EFL1: variants seen among roughly 807,000 people sequenced by gnomAD.
EFL1 encodes the protein elongation factor-like GTPase 1.
Under a neutral mutation model 126.7 loss-of-function variants are expected in EFL1, and 76 were observed. The observed-to-expected ratio is 0.60, with a 90% confidence interval of 0.50 to 0.73. The LOEUF is 0.73. Among genes scored for constraint, EFL1 ranks in the 30% least tolerant of loss-of-function variants. EFL1 has a pLI of 0.00. For missense variants in EFL1, 1,128 were observed against 1,343.2 expected (o/e 0.84, Z 2.50); for synonymous variants, 410 against 448.4 (o/e 0.91, Z 1.08).
intron 15 of EFL1, among the ~76,000 whole-genome samples, chr15:82,209,316 G>GACACAGACACACAC (rs377447819): frequency 2.0e-5 from 3 of 146,342 alleles, no homozygotes; most frequent in Admixed American, 6.9e-5. Context: ...CACAGACACA[G>GACACAGACACACAC]ACACACACAC....
At chr15:82,227,358 A>G in intron 11 of EFL1, 92 bp downstream of exon 11, 1 of 1,585,692 alleles carries the variant, frequency 6.3e-7, no homozygotes, top group South Asian at 1.1e-5. Flanking sequence ...TTGGCCATTT[A>G]GCAAACTAGC....
rs2075121666 is a variant in EFL1 at position 82,261,702 on chromosome 15, G to A, written c.77C>T (p.Ala26Val). Residue 26 changes from alanine to valine, a missense_variant, in exon 2 of 20, where the codon GCT (alanine) becomes GTT (valine). Around this residue, in one of 6 missense-constraint regions of EFL1, gnomAD observed 118 missense variants for 188.1 expected, o/e 0.63. Transcript: ENST00000268206. ...AGTATTCTTACCATGGTCAACATGA[G>A]CCAAAACACAAATATTCCTGATGTT... ...TANIRNICVL[A>V]HVDHGKTTLA... The A allele has an allele frequency of 6.2e-7, 1 of 1,613,792 alleles. No homozygotes were observed. The highest frequency in any genetic ancestry group is 1.7e-5 in the Admixed American group (1 of 59,956).
At chr15:82,255,403 T>A (rs755987213) in intron 3 of EFL1, among the ~76,000 whole-genome samples, 1 of 152,230 alleles carries the variant, frequency 6.6e-6, no homozygotes, top group Non-Finnish European at 1.5e-5. Context: ...CTCTGAATAT[T>A]AGTCCTTTGT....
In EFL1 at chr15:82,157,817, C is replaced by G. The variant is rs2073983699; in HGVS notation, c.1926G>C (p.Gln642His). 6.2e-7 allele frequency: 1 copy of G among 1,613,906 alleles called. No individual in the cohort carries two copies. The highest frequency in any genetic ancestry group is 1.3e-5 in the African/African-American group (1 of 74,924). ...QLVKGMKLLNQADPCVQILIQ... is the reference protein window; with the variant it reads ...QLVKGMKLLNHADPCVQILIQ... The stretch of plus-strand genomic sequence containing the variant: ...TTAAAATCTGGACACAGGGATCAGC[C>G]TGGTTTAACAGTTTCATTCCTTTTA... Residue 642 changes from glutamine (Q) to histidine (H), a missense_variant, in exon 17 of 20, where the codon CAG becomes CAC. Physicochemically the swap from Gln to His is conservative, Grantham distance 24. This residue lies in a region of EFL1 where 561 missense variants were observed against 641.7 expected (regional missense o/e 0.87). Transcript: ENST00000268206.
At chr15:82,235,846 G>C (rs1287667811) in intron 7 of EFL1, among the ~76,000 whole-genome samples, 1 of 152,092 alleles carries the variant, frequency 6.6e-6, no homozygotes, top group East Asian at 1.9e-4. Flanking sequence ...ATTCTAGCCA[G>C]TGCAATCAGC....
chr15:82,200,240 C>T (rs2074452984), intron 15 of EFL1, among the ~76,000 whole-genome samples: 2 of 152,112 alleles, frequency 1.3e-5, no homozygotes, highest in South Asian at 2.1e-4. Flanking sequence ...CAAAGAAAAA[C>T]ACAAGGAAGA....
intron 15 of EFL1, among the ~76,000 whole-genome samples, chr15:82,208,044 A>G (rs900463529): frequency 3.3e-5 from 5 of 152,224 alleles, no homozygotes; most frequent in South Asian, 2.1e-4. Flanking sequence ...CAAACGGACC[A>G]GTATGATGGT....
At chr15:82,203,315 A>AT (rs961778556) in intron 15 of EFL1, among the ~76,000 whole-genome samples, 1 of 152,082 alleles carries the variant, frequency 6.6e-6, no homozygotes, top group East Asian at 1.9e-4. Context: ...GCATTTATTT[A>AT]TTTTTTATTG....
chr15:82,238,210 G>A (rs775027189), intron 7 of EFL1, 97 bp downstream of exon 7: 68 of 1,316,646 alleles, frequency 5.2e-5, no homozygotes, highest in Non-Finnish European at 6.5e-5. Flanking sequence ...ACAACTATAG[G>A]TGAATCTATA....
intron 15 of EFL1, among the ~76,000 whole-genome samples, chr15:82,164,669 C>T (rs371183641): frequency 9.3e-5 from 14 of 150,472 alleles, no homozygotes; most frequent in East Asian, 4.1e-4. Flanking sequence ...AGGCCGAGGC[C>T]GGCGGATCAC....
At chr15:82,157,524 G>T in intron 17 of EFL1, 189 bp downstream of exon 17, 2 of 587,824 alleles carry the variant, frequency 3.4e-6, no homozygotes, top group Non-Finnish European at 5.4e-6. Flanking sequence ...TCAAGTGTAG[G>T]CAGTGAATGC....
chr15:82,152,053 A>G lies in EFL1; in HGVS notation c.2401T>C (p.Trp801Arg). 1 of 1,614,088 alleles carries G rather than the reference A, an allele frequency of 6.2e-7. No homozygotes were observed. Among genetic ancestry groups the G allele is most frequent in the Non-Finnish European group, 8.5e-7 (1 of 1,180,010 alleles). Reference protein sequence around the residue: ...MIHQKTQEKIWEFKGKLEQHL... With the variant: ...MIHQKTQEKIREFKGKLEQHL... Reference sequence around the variant, plus strand: ...TGCTCCAGTTTTCCTTTGAATTCCCAAATTTTCTCTTGGGTCTTCTGATGA... The same window carrying G: ...TGCTCCAGTTTTCCTTTGAATTCCCGAATTTTCTCTTGGGTCTTCTGATGA... Residue 801 changes from tryptophan to arginine, a missense_variant, in exon 18 of 20, where the codon TGG (tryptophan) becomes CGG (arginine). Around this residue, in one of 6 missense-constraint regions of EFL1, gnomAD observed 561 missense variants for 641.7 expected, o/e 0.87. Transcript: ENST00000268206.
At chr15:82,229,520 A>G (rs1490581566) in intron 8 of EFL1, among the ~76,000 whole-genome samples, 1 of 152,188 alleles carries the variant, frequency 6.6e-6, no homozygotes, top group African/African-American at 2.4e-5. Flanking sequence ...AGGATAGGAA[A>G]ATTTTGAAAA....
intron 15 of EFL1, among the ~76,000 whole-genome samples, chr15:82,185,169 C>CTGTGTGTG (rs71156029): frequency 2.8e-4 from 39 of 139,988 alleles, no homozygotes; most frequent in South Asian, 7.4e-4. Context: ...TCATGTGTGG[C>CTGTGTGTG]TGTGTGTGTG....
At chr15:82,191,406 C>T (rs1479914525) in intron 15 of EFL1, among the ~76,000 whole-genome samples, 6 of 152,080 alleles carry the variant, frequency 3.9e-5, no homozygotes, top group African/African-American at 1.4e-4. Context: ...CCAACCTAAC[C>T]ATTACTGGCC....
chr15:82,163,874 C>T lies in EFL1; in HGVS notation c.1861G>A (p.Ala621Thr). 6.2e-7 allele frequency: 1 copy of T among 1,614,002 alleles called. No homozygotes were observed. Among genetic ancestry groups the T allele is most frequent in the Non-Finnish European group, 8.5e-7 (1 of 1,179,970 alleles). ...NFEATPIVRVAVEPKHPSEMP... is the reference protein window; with the variant it reads ...NFEATPIVRVTVEPKHPSEMP... ...TTACTTGGATGTTTTGGTTCAACAG[C>T]AACTCTCACAATAGGAGTGGCTTCG... The change falls in exon 16 of 20, where the codon GCT becomes ACT. Residue 621 changes from alanine to threonine, a missense_variant. Ala to Thr is a moderately conservative substitution (Grantham distance 58). Around this residue, in one of 6 missense-constraint regions of EFL1, gnomAD observed 561 missense variants for 641.7 expected, o/e 0.87. Transcript: ENST00000268206.
intron 15 of EFL1, among the ~76,000 whole-genome samples, chr15:82,203,841 C>A (rs1170746901): frequency 1.3e-5 from 2 of 152,138 alleles, no homozygotes; most frequent in Non-Finnish European, 2.9e-5. Flanking sequence ...ATTCTTCTGC[C>A]AATGGATATT....
At chr15:82,262,275 C>CA (rs1424733694) in intron 1 of EFL1, 2 of 155,846 alleles carry the variant, frequency 1.3e-5, no homozygotes, top group South Asian at 3.9e-4. Context: ...TATTCCTGCC[C>CA]ATGGAGCCCG....
rs1293637401 is a variant in EFL1, at chr15:82,249,357, T to C, written c.244+3334A>G. On this transcript the variant is annotated intron_variant, in intron 4 of 19. Transcript: ENST00000268206. ...TACTATATATGCAATATACCTAATA[T>C]GTATGTATGCATATAAACTTGTAAA... Among the ~76,000 whole-genome samples, 4 of 151,720 alleles carry C rather than the reference T, an allele frequency of 2.6e-5. 1 individual carries two copies. The highest frequency in any genetic ancestry group is 1.3e-4 in the Admixed American group (2 of 15,222).
Sources: allele counts gnomAD v4.1 joint callset (sites outside exome capture counted in the v4.1 genomes callset), GRCh38; gene constraint gnomAD v4.1.1; regional missense constraint gnomAD v4.1.1; transcripts MANE v1.5; gene names NCBI Gene and HGNC (gene_info 2026-07-23, HGNC 2026-07-21).